EYS: variants seen among roughly 807,000 people sequenced by gnomAD.
EYS encodes EGF-like photoreceptor maintenance factor.
In EYS, 250 loss-of-function variants were observed where a neutral mutation model predicts 282.1. That is an observed-to-expected ratio of 0.89 (90% CI 0.80 to 0.98). The LOEUF is 0.98. EYS is among the 50% of genes least tolerant of loss of function. EYS has a pLI of 0.00. For missense variants in EYS, 4,016 were observed against 3,709.0 expected, an observed-to-expected ratio of 1.08 and a Z score of -2.15; for synonymous variants, 1,355 against 1,282.9, an observed-to-expected ratio of 1.06 and a Z score of -1.20.
chr6:65,337,092 T>A (rs996925776), intron 10 of EYS, among the ~76,000 whole-genome samples: 1 of 151,490 alleles, frequency 6.6e-6, no homozygotes, highest in Non-Finnish European at 1.5e-5. Context: ...TGATCCTTTA[T>A]TGATATCTAA....
chr6:64,081,220 C>T (rs1771954466), intron 32 of EYS, among the ~76,000 whole-genome samples: 2 of 152,112 alleles, frequency 1.3e-5, no homozygotes, highest in African/African-American at 4.8e-5. Context: ...GCATTTATTT[C>T]AAAAGAGAAA....
chr6:64,664,332 T>C (rs1351059548), intron 22 of EYS, among the ~76,000 whole-genome samples: 2 of 152,194 alleles, frequency 1.3e-5, no homozygotes, highest in Admixed American at 6.5e-5. Flanking sequence ...AATTGGTGTT[T>C]TAGTGAGCCC....
chr6:64,741,390 A>G (rs977560742), intron 22 of EYS, among the ~76,000 whole-genome samples: 1 of 152,146 alleles, frequency 6.6e-6, no homozygotes, highest in African/African-American at 2.4e-5. Context: ...ACAGAGCACA[A>G]GCAAAGTAGA....
At chr6:65,211,028 A>G (rs1322077667) in intron 12 of EYS, among the ~76,000 whole-genome samples, 1 of 151,998 alleles carries the variant, frequency 6.6e-6, no homozygotes, top group East Asian at 1.9e-4. Context: ...GGAAAAACAC[A>G]AACTATTCCT....
intron 1 of EYS, among the ~76,000 whole-genome samples, chr6:65,692,478 G>T (rs1769279749): frequency 6.7e-6 from 1 of 150,058 alleles, no homozygotes; most frequent in South Asian, 2.1e-4. Flanking sequence ...TTAATTTGAG[G>T]TACTTAGTTT....
At chr6:65,234,022 C>A (rs78259113) in intron 12 of EYS, among the ~76,000 whole-genome samples, 4,554 of 152,252 alleles carry the variant, frequency 0.03, 90 homozygotes, top group South Asian at 0.045. Flanking sequence ...TATCACATTT[C>A]CGGCTGCTCT....
At chr6:64,631,840 CT>C (rs1335324913) in intron 22 of EYS, among the ~76,000 whole-genome samples, 1 of 151,776 alleles carries the variant, frequency 6.6e-6, no homozygotes, top group Non-Finnish European at 1.5e-5. Flanking sequence ...ATTCAGAAAC[CT>C]TTTTTTATTT....
At chr6:64,848,539 G>A (rs547518527) in intron 19 of EYS, among the ~76,000 whole-genome samples, 1 of 152,148 alleles carries the variant, frequency 6.6e-6, no homozygotes. Context: ...AATGCGTGAT[G>A]TTTTCAAACA....
At chr6:64,733,655 T>A in intron 22 of EYS, 1 of 156,948 alleles carries the variant, frequency 6.4e-6, no homozygotes, top group Non-Finnish European at 1.4e-5. Context: ...CATCTAGTTC[T>A]AACTCAGAGA....
intron 35 of EYS, among the ~76,000 whole-genome samples, chr6:63,968,589 C>T (rs1170177951): frequency 6.6e-6 from 1 of 152,154 alleles, no homozygotes; most frequent in Admixed American, 6.5e-5. Flanking sequence ...GGTACAATTT[C>T]AGTTTGAATA....
intron 12 of EYS, among the ~76,000 whole-genome samples, chr6:65,149,425 G>C (rs936363039): frequency 3.3e-5 from 5 of 152,134 alleles, no homozygotes; most frequent in Non-Finnish European, 7.4e-5. Context: ...CCTCAGACTG[G>C]ACTTCATTGT....
At chr6:64,162,478 G>T (rs909150334) in intron 31 of EYS, among the ~76,000 whole-genome samples, 1 of 152,046 alleles carries the variant, frequency 6.6e-6, no homozygotes, top group African/African-American at 2.4e-5. Context: ...CTTGAGTATG[G>T]TGCCCTTTGT....
intron 1 of EYS, among the ~76,000 whole-genome samples, chr6:65,658,893 T>A (rs1767912235): frequency 1.3e-5 from 2 of 151,102 alleles, no homozygotes; most frequent in South Asian, 4.2e-4. Context: ...ATAGCAAGCA[T>A]TATAAAAATG....
chr6:65,415,359 G>A (rs1372785451), intron 5 of EYS, among the ~76,000 whole-genome samples: 1 of 152,040 alleles, frequency 6.6e-6, no homozygotes, highest in Non-Finnish European at 1.5e-5. Context: ...TGATTCATAT[G>A]TAAATAAAAA....
In EYS at chr6:64,175,188, T is replaced by A. The variant is rs117993092; in HGVS notation, c.6424+55404A>T. On this transcript the variant is annotated intron_variant, in intron 31 of 42. Transcript: ENST00000503581. Reference sequence around the variant, plus strand: ...GATTCCTTGGGTATGTATACTGGCATAAATGTAACTCACTCAATATTTCTA... The same window carrying A: ...GATTCCTTGGGTATGTATACTGGCAAAAATGTAACTCACTCAATATTTCTA... Among the ~76,000 whole-genome samples the A allele has an allele frequency of 5.7e-4, 87 of 152,308 alleles. 1 individual carries two copies. In the East Asian group the frequency reaches 0.016, roughly 29 times the overall value.
At chr6:64,871,068 A>T (rs188921145) in intron 19 of EYS, among the ~76,000 whole-genome samples, 33 of 151,978 alleles carry the variant, frequency 2.2e-4, no homozygotes, top group Non-Finnish European at 3.8e-4. Context: ...GAGTAAAGTC[A>T]AAAATATGAA....
chr6:63,939,328 C>T (rs866246615), intron 35 of EYS, among the ~76,000 whole-genome samples: 3 of 152,076 alleles, frequency 2.0e-5, no homozygotes, highest in Non-Finnish European at 4.4e-5. Context: ...GGAAAGTCCC[C>T]ACCCATCCCC....
At chr6:63,930,299 C>T (rs1296863635) in intron 35 of EYS, among the ~76,000 whole-genome samples, 1 of 44,180 alleles carries the variant, frequency 2.3e-5, no homozygotes, top group Non-Finnish European at 4.8e-5. Flanking sequence ...ACCCAAAAAC[C>T]AAACAAAAAG....
intron 2 of EYS, among the ~76,000 whole-genome samples, chr6:65,509,469 T>A (rs1206448218): frequency 6.6e-6 from 1 of 152,212 alleles, no homozygotes; most frequent in East Asian, 1.9e-4. Context: ...ATCAATTATG[T>A]CAAACATCTT....
Sources: allele counts gnomAD v4.1 joint callset (sites outside exome capture counted in the v4.1 genomes callset), GRCh38; gene constraint gnomAD v4.1.1; transcripts MANE v1.5; gene names NCBI Gene and HGNC (gene_info 2026-07-23, HGNC 2026-07-21).